The following CDH13 variants were observed in gnomAD, a reference collection of about 807,000 sequenced individuals.
CDH13 encodes the protein cadherin 13, also known as cadherin-13.
CDH13 carries 24 observed loss-of-function variants against 63.8 expected under a neutral mutation model. The ratio of observed to expected loss-of-function variants is 0.38; its 90% CI spans 0.27 to 0.53. CDH13 has a LOEUF of 0.53. Ranked by LOEUF, CDH13 falls within the 20% of genes least tolerant of loss-of-function variation. CDH13 has a pLI of 0.85. For synonymous variants in CDH13, 503 were observed against 355.3 expected (o/e 1.42, Z -4.67); for missense variants, 1,049 against 903.1 (o/e 1.16, Z -2.07).
At chr16:82,953,720 T>C (rs1027924678) in intron 2 of CDH13, 23 of 152,138 alleles carry the variant, frequency 1.5e-4, no homozygotes, top group African/African-American at 5.6e-4. Context: ...GGGTGCTCAG[T>C]GGTGAAATAA....
At chr16:83,785,164 G>C (rs999280801) in intron 13 of CDH13, among the ~76,000 whole-genome samples, 22 of 152,302 alleles carry the variant, frequency 1.4e-4, no homozygotes, top group African/African-American at 5.3e-4. Context: ...TACTGTCTTA[G>C]TCCATTCGGG....
chr16:83,096,358 A>G (rs1456902206), intron 3 of CDH13, among the ~76,000 whole-genome samples: 1 of 152,226 alleles, frequency 6.6e-6, no homozygotes, highest in African/African-American at 2.4e-5. Flanking sequence ...TCAGTCAAGG[A>G]TCTGCAGCTG....
intron 7 of CDH13, among the ~76,000 whole-genome samples, chr16:83,592,254 C>A (rs1407913535): frequency 6.6e-6 from 1 of 152,180 alleles, no homozygotes; most frequent in African/African-American, 2.4e-5. Flanking sequence ...CTGAGCACCC[C>A]ACATTCTGAC....
intron 6 of CDH13, among the ~76,000 whole-genome samples, chr16:83,459,253 C>G (rs572900525): frequency 6.6e-6 from 1 of 152,224 alleles, no homozygotes; most frequent in Non-Finnish European, 1.5e-5. Flanking sequence ...ATGCCATTGA[C>G]AAGAAACCCA....
intron 6 of CDH13, chr16:83,383,322 C>T (rs1293640604): frequency 1.3e-5 from 2 of 152,182 alleles, no homozygotes; most frequent in Admixed American, 6.5e-5. Flanking sequence ...ATGTCAACAT[C>T]CTCAGGTTTC....
At chr16:83,170,293 C>T (rs888427602) in intron 4 of CDH13, among the ~76,000 whole-genome samples, 6 of 152,058 alleles carry the variant, frequency 3.9e-5, no homozygotes, top group African/African-American at 1.4e-4. Context: ...TTTTCTCAGA[C>T]TCCCACCCTA....
chr16:83,267,138 A>T (rs1270076535), intron 5 of CDH13, among the ~76,000 whole-genome samples: 2 of 152,224 alleles, frequency 1.3e-5, no homozygotes, highest in Non-Finnish European at 2.9e-5. Context: ...ATTCTTTGCT[A>T]AAACAGAATG....
At chr16:82,860,403 C>A (rs1427863713) in intron 2 of CDH13, among the ~76,000 whole-genome samples, 1 of 113,208 alleles carries the variant, frequency 8.8e-6, no homozygotes, top group Admixed American at 9.8e-5. Flanking sequence ...GGGGGGGCGG[C>A]GGTGTGCGTG....
chr16:83,047,322 A>G lies in CDH13; in HGVS notation c.366+15104A>G, dbSNP rs764873392. 4.6e-5 allele frequency among the ~76,000 whole-genome samples: 7 copies of G among 152,104 alleles called. No homozygotes were observed. The highest frequency in any genetic ancestry group is 2.1e-4 in the South Asian group (1 of 4,826). On this transcript the variant is annotated intron_variant, in intron 3 of 13. Coordinates refer to ENST00000567109, the MANE Select transcript of CDH13 (RefSeq NM_001257.5). The surrounding 1 kb of genome is among the most constrained non-coding windows in gnomAD (Gnocchi z 4.9). The stretch of plus-strand genomic sequence containing the variant: ...CAAAATGCATTATTTCTGTCCTTGC[A>G]TTGTCCATTCTCGTAAACCGTGGTT...
At chr16:82,660,807 T>TCTG (rs1048312562) in intron 1 of CDH13, among the ~76,000 whole-genome samples, 5 of 152,134 alleles carry the variant, frequency 3.3e-5, no homozygotes, top group African/African-American at 1.2e-4. Flanking sequence ...TATTTAGACG[T>TCTG]CTGCTGCTGC....
At chr16:82,945,855 C>A (rs1057093631) in intron 2 of CDH13, among the ~76,000 whole-genome samples, 2 of 152,110 alleles carry the variant, frequency 1.3e-5, no homozygotes, top group African/African-American at 4.8e-5. Flanking sequence ...AAAATACCTA[C>A]CTAAAGACTC....
chr16:83,421,428 A>T (rs2071710466), intron 6 of CDH13, among the ~76,000 whole-genome samples: 1 of 152,202 alleles, frequency 6.6e-6, no homozygotes, highest in South Asian at 2.1e-4. Context: ...AGCTCTCTAC[A>T]TCTTTCCAAT....
chr16:83,178,586 T>TA (rs2038222210), intron 4 of CDH13, among the ~76,000 whole-genome samples: 1 of 152,226 alleles, frequency 6.6e-6, no homozygotes, highest in African/African-American at 2.4e-5. Flanking sequence ...GAAATTCAAT[T>TA]TTCCATTTTT....
intron 6 of CDH13, among the ~76,000 whole-genome samples, chr16:83,479,257 G>C (rs1053169018): frequency 2.0e-5 from 3 of 152,204 alleles, no homozygotes; most frequent in Admixed American, 6.5e-5. Context: ...GAAGCAGTGT[G>C]TCTTAAACCC....
intron 5 of CDH13, among the ~76,000 whole-genome samples, chr16:83,329,825 G>A (rs148412979): frequency 4.7e-4 from 71 of 152,182 alleles, no homozygotes; most frequent in African/African-American, 1.7e-3. Context: ...TGTCTTCAAG[G>A]TTCACTTATA....
At chr16:83,325,300 GA>G (rs1290837289) in intron 5 of CDH13, among the ~76,000 whole-genome samples, 2 of 152,152 alleles carry the variant, frequency 1.3e-5, no homozygotes, top group Non-Finnish European at 2.9e-5. Flanking sequence ...AACAATGAGA[GA>G]GGGGGAGGGA....
intron 2 of CDH13, chr16:82,884,393 A>C (rs1394865798): frequency 5.8e-6 from 2 of 345,852 alleles, no homozygotes; most frequent in Non-Finnish European, 1.1e-5. Context: ...TAACAAAATG[A>C]GACTCCTTCT....
intron 5 of CDH13, among the ~76,000 whole-genome samples, chr16:83,303,220 C>G (rs975075840): frequency 1.3e-5 from 2 of 152,160 alleles, no homozygotes; most frequent in African/African-American, 4.8e-5. Context: ...ACCTTCTGCC[C>G]TCTGAAAAAG....
intron 2 of CDH13, among the ~76,000 whole-genome samples, chr16:82,881,340 A>G (rs1305315938): frequency 6.6e-6 from 1 of 152,110 alleles, no homozygotes; most frequent in Non-Finnish European, 1.5e-5. Flanking sequence ...TCTGGGGGTC[A>G]TCTGCTGTGG....
Sources: allele counts gnomAD v4.1 joint callset (sites outside exome capture counted in the v4.1 genomes callset), GRCh38; gene constraint gnomAD v4.1.1; non-coding constraint Gnocchi (gnomAD v3.1); transcripts MANE v1.5; gene names NCBI Gene and HGNC (gene_info 2026-07-23, HGNC 2026-07-21).